Variants in SMAP2 observed in about 807,000 individuals in gnomAD.
The protein encoded by SMAP2 is stromal membrane-associated protein 2.
Under a neutral mutation model 56.4 loss-of-function variants are expected in SMAP2, and 25 were observed. The observed-to-expected ratio is 0.44, with a 90% CI of 0.32 to 0.62. The LOEUF is 0.62. Ranked by LOEUF, SMAP2 falls within the 20% of genes least tolerant of loss-of-function variation. SMAP2 has a pLI of 0.04. For synonymous variants in SMAP2, 157 were observed against 181.7 expected, an observed-to-expected ratio of 0.86 and a Z score of 1.09; for missense variants, 388 against 545.6, an observed-to-expected ratio of 0.71 and a Z score of 2.88.
At chr1:40,384,128 C>T (rs1644630339) in intron 1 of SMAP2, among the ~76,000 whole-genome samples, 1 of 152,168 alleles carries the variant, frequency 6.6e-6, no homozygotes, top group South Asian at 2.1e-4. Context: ...AAACTCCTGG[C>T]CTCAAGTGAG....
intron 1 of SMAP2, among the ~76,000 whole-genome samples, chr1:40,390,374 C>T (rs1387997869): frequency 1.3e-5 from 2 of 152,210 alleles, no homozygotes; most frequent in Non-Finnish European, 2.9e-5. Context: ...GAGAAATTCA[C>T]ATGTCCATGG....
intron 2 of SMAP2, among the ~76,000 whole-genome samples, chr1:40,407,311 A>G (rs897839495): frequency 6.6e-6 from 1 of 151,998 alleles, no homozygotes; most frequent in Non-Finnish European, 1.5e-5. Context: ...AGAGTGAGAC[A>G]CCTGTCTCTA....
intron 1 of SMAP2, among the ~76,000 whole-genome samples, chr1:40,382,289 C>G (rs1477556158): frequency 6.6e-6 from 1 of 152,128 alleles, no homozygotes; most frequent in Non-Finnish European, 1.5e-5. Flanking sequence ...CTGCGACATT[C>G]TACTTGTTAT....
rs1206062120 is a variant in SMAP2 at position 40,408,463 on chromosome 1, G to A, written c.238-190G>A. Among the ~76,000 whole-genome samples the A allele has an allele frequency of 6.6e-6, 1 of 152,144 alleles. No individual in the cohort carries two copies. Among genetic ancestry groups the A allele is most frequent in the African/African-American group, 2.4e-5 (1 of 41,420 alleles). ...TGGAGTGGGGGAAAGACAGCTTGGG[G>A]CAAATGATTGGGAAATCCTAGTAAG... On this transcript the variant is annotated intron_variant, in intron 2 of 9. Coordinates refer to ENST00000372718, the MANE Select transcript of SMAP2 (RefSeq NM_022733.3). The surrounding 1 kb of genome is among the most constrained non-coding windows in gnomAD (Gnocchi z 4.3).
At chr1:40,396,179 G>A (rs1472752404) in intron 1 of SMAP2, among the ~76,000 whole-genome samples, 1 of 152,124 alleles carries the variant, frequency 6.6e-6, no homozygotes, top group Admixed American at 6.5e-5. Context: ...TATAAGTATG[G>A]GGGGAGTAAA....
At chr1:40,404,232 T>C (rs1644863949) in intron 1 of SMAP2, among the ~76,000 whole-genome samples, 1 of 152,272 alleles carries the variant, frequency 6.6e-6, no homozygotes, top group Non-Finnish European at 1.5e-5. Flanking sequence ...TATTCACTAA[T>C]AAATCTAGTG....
At chr1:40,401,868 TTGACTGA>T (rs1315809256) in intron 1 of SMAP2, among the ~76,000 whole-genome samples, 3 of 152,262 alleles carry the variant, frequency 2.0e-5, no homozygotes, top group African/African-American at 4.8e-5. Flanking sequence ...AGTTGATTTC[TTGACTGA>T]TCAACCAAAT....
intron 1 of SMAP2, among the ~76,000 whole-genome samples, chr1:40,384,812 A>G (rs536083787): frequency 2.6e-5 from 4 of 152,380 alleles, no homozygotes; most frequent in Admixed American, 1.3e-4. Context: ...TTGAAAAAGC[A>G]TATCAGACTG....
Position 40,374,056 on chromosome 1 carries a change from C to A in SMAP2, c.-65C>A. 1.5e-6 allele frequency: 2 copies of A among 1,321,970 alleles called. No individual in the cohort carries two copies. Among genetic ancestry groups the A allele is most frequent in the Non-Finnish European group, 2.1e-6 (2 of 932,938 alleles). 81.9% of individuals were successfully genotyped at this position (1,321,970 alleles called of 1,614,324 possible). On this transcript the variant is annotated 5_prime_UTR_variant, in exon 1 of 10. The change creates a new upstream start codon in the 5' untranslated region. Transcript: ENST00000372718. This position sits in a 1 kb window ranked among gnomAD's most constrained non-coding sequence, Gnocchi z 5.9. ...GGGACCGGGAGTCCTCAACCCCGGA[C>A]TGAGGCAGGGGTCTCTGGGGGCGAG...
At chr1:40,393,610 A>G (rs1644739918) in intron 1 of SMAP2, 4 of 1,100,110 alleles carry the variant, frequency 3.6e-6, no homozygotes, top group East Asian at 5.5e-5. Flanking sequence ...CAGTGGCTCA[A>G]TCTTGGCTCA....
At chr1:40,360,641 C>G (rs867716860) in intron 1 of SMAP2, among the ~76,000 whole-genome samples, 2 of 152,186 alleles carry the variant, frequency 1.3e-5, no homozygotes, top group Non-Finnish European at 2.9e-5. Flanking sequence ...ACTGCTCCCC[C>G]ATTCCATAGC....
chr1:40,397,132 C>G (rs145431938), intron 1 of SMAP2, among the ~76,000 whole-genome samples: 2 of 152,264 alleles, frequency 1.3e-5, no homozygotes, highest in Non-Finnish European at 2.9e-5. Context: ...GACCTAACAT[C>G]TTCATAGATT....
chr1:40,397,059 A>G (rs906319744), intron 1 of SMAP2, among the ~76,000 whole-genome samples: 13 of 152,198 alleles, frequency 8.5e-5, no homozygotes, highest in Admixed American at 7.9e-4. Flanking sequence ...GCATTTAACC[A>G]GTTTTCAGTG....
At chr1:40,404,244 C>A (rs1644863977) in intron 1 of SMAP2, among the ~76,000 whole-genome samples, 1 of 152,116 alleles carries the variant, frequency 6.6e-6, no homozygotes, top group East Asian at 1.9e-4. Flanking sequence ...AATCTAGTGG[C>A]TCAAAACTAA....
intron 1 of SMAP2, chr1:40,375,661 CT>C: frequency 3.9e-6 from 1 of 255,268 alleles, no homozygotes; most frequent in Non-Finnish European, 6.2e-6. Context: ...CTTGTTACAT[CT>C]TCTGTTAGGT....
Position 40,402,613 on chromosome 1 carries a change from C to T in SMAP2, c.104-4123C>T, listed in dbSNP as rs138814918. Among the ~76,000 whole-genome samples the T allele has an allele frequency of 3.5e-3, 540 of 152,168 alleles. 3 individuals carry two copies. The highest frequency in any genetic ancestry group is 7.1e-3 in the Admixed American group (108 of 15,268). On this transcript the variant is annotated intron_variant, in intron 1 of 9. Transcript: ENST00000372718. Reference sequence around the variant, plus strand: ...TACAGGCACGTGCCACCATGCCTGGCTAATTTTTTGTATTTTTAGTAGAGA... The same window carrying T: ...TACAGGCACGTGCCACCATGCCTGGTTAATTTTTTGTATTTTTAGTAGAGA...
At chr1:40,393,620 A>G (rs1644740045) in intron 1 of SMAP2, 5 of 914,878 alleles carry the variant, frequency 5.5e-6, no homozygotes, top group Admixed American at 6.0e-5. Flanking sequence ...ATCTTGGCTC[A>G]CTGCAACCTC....
rs964309818 is a variant in SMAP2, at chr1:40,418,517, G to A, written c.1164+1421G>A. On this transcript the variant is annotated intron_variant, in intron 9 of 9. Coordinates refer to ENST00000372718, the MANE Select transcript of SMAP2 (RefSeq NM_022733.3). ...AAAACATTCTAGAAATAAAAGACTT[G>A]GATATAATATGGAAAGAGCCCACTG... is the stretch of plus-strand genomic sequence containing the variant. 9.2e-5 allele frequency among the ~76,000 whole-genome samples: 14 copies of A among 152,266 alleles called. 1 individual carries two copies. The highest frequency in any genetic ancestry group is 5.8e-4 in the East Asian group (3 of 5,188).
At chr1:40,358,306 G>A (rs1217151001) in intron 1 of SMAP2, among the ~76,000 whole-genome samples, 2 of 152,118 alleles carry the variant, frequency 1.3e-5, no homozygotes, top group Admixed American at 6.5e-5. Flanking sequence ...ACTTTGGGAG[G>A]CCAAAGTAGG....
Sources: allele counts gnomAD v4.1 joint callset (sites outside exome capture counted in the v4.1 genomes callset), GRCh38; gene constraint gnomAD v4.1.1; non-coding constraint Gnocchi (gnomAD v3.1); transcripts MANE v1.5; gene names NCBI Gene and HGNC (gene_info 2026-07-23, HGNC 2026-07-21).